The following CALN1 variants were observed in gnomAD, a reference collection of about 807,000 sequenced individuals.
CALN1 encodes calcium-binding protein 8.
Under a neutral mutation model 30.6 loss-of-function variants are expected in CALN1, and 17 were observed. The ratio of observed to expected loss-of-function variants is 0.56; its 90% confidence interval spans 0.38 to 0.83. The LOEUF is 0.83. CALN1 is among the 40% of genes least tolerant of loss of function. The pLI, the probability that CALN1 is intolerant of heterozygous loss-of-function variation, is 0.00. For missense variants in CALN1, 291 were observed against 354.9 expected (o/e 0.82, Z 1.45); for synonymous variants, 156 against 131.4 (o/e 1.19, Z -1.28).
At position 72,270,981 on chromosome 7, in the gene CALN1, G is replaced by C. The variant is rs973136301; in HGVS notation, c.244+7705C>G. On this transcript the variant is annotated intron_variant, in intron 3 of 6. Coordinates refer to ENST00000395275, the MANE Select transcript of CALN1 (RefSeq NM_031468.4). Reference sequence around the variant, plus strand: ...ACCAATGTGGTCAGAGAGGAAGGAAGACTTACAGAATACGAAGAGAGGTCA... The same window carrying C: ...ACCAATGTGGTCAGAGAGGAAGGAACACTTACAGAATACGAAGAGAGGTCA... 3.9e-5 allele frequency among the ~76,000 whole-genome samples: 6 copies of C among 152,284 alleles called. No homozygotes were observed. In the South Asian group the frequency reaches 8.3e-4, roughly 21 times the overall value.
intron 2 of CALN1, among the ~76,000 whole-genome samples, chr7:72,325,084 A>G (rs1302359991): frequency 6.6e-6 from 1 of 151,852 alleles, no homozygotes; most frequent in Non-Finnish European, 1.5e-5. Flanking sequence ...AGAATTGCTT[A>G]AGGGCAGGAG....
intron 3 of CALN1, among the ~76,000 whole-genome samples, chr7:72,231,617 AATG>A (rs564685717): frequency 2.0e-4 from 30 of 152,290 alleles, no homozygotes; most frequent in Admixed American, 5.2e-4. Context: ...TTTGTAACAG[AATG>A]ATATTTTATT....
intron 3 of CALN1, among the ~76,000 whole-genome samples, chr7:72,273,440 G>C (rs1797129572): frequency 1.3e-5 from 2 of 148,890 alleles, no homozygotes; most frequent in African/African-American, 4.9e-5. Context: ...AAAAAAAGCG[G>C]CGGGCGGGGG....
At chr7:72,002,145 C>T (rs1319683926) in intron 5 of CALN1, among the ~76,000 whole-genome samples, 2 of 152,170 alleles carry the variant, frequency 1.3e-5, no homozygotes, top group African/African-American at 2.4e-5. Context: ...TTTACTCCCA[C>T]CACTGCTAGT....
chr7:71,921,291 A>G lies in CALN1; in HGVS notation c.501+102366T>C, dbSNP rs1199740920. 2.0e-5 allele frequency among the ~76,000 whole-genome samples: 3 copies of G among 152,342 alleles called. No individual in the cohort carries two copies. In the East Asian group the frequency reaches 5.8e-4, roughly 29 times the overall value. ...AGGTTGATGGGTGCAGCAAACCACC[A>G]TGGCATGTGTATACCTATGTAACAA... On this transcript the variant is annotated intron_variant, in intron 5 of 6. Transcript: ENST00000395275.
chr7:71,944,748 A>C (rs1427592813), intron 5 of CALN1, among the ~76,000 whole-genome samples: 1 of 152,156 alleles, frequency 6.6e-6, no homozygotes, highest in East Asian at 1.9e-4. Context: ...AATACATCCG[A>C]AGTCAAGAAT....
Position 71,918,594 on chromosome 7 carries a change from G to A in CALN1, c.501+105063C>T, listed in dbSNP as rs1208055583. 2.6e-5 allele frequency among the ~76,000 whole-genome samples: 4 copies of A among 152,300 alleles called. No homozygotes were observed. The East Asian group carries it at 7.7e-4, about 29-fold the overall frequency. On this transcript the variant is annotated intron_variant, in intron 5 of 6. Coordinates refer to ENST00000395275, the MANE Select transcript of CALN1 (RefSeq NM_031468.4). ...ATGAGAAAATCTGGAGGGAGAAAAT[G>A]TTGGCACTAGGCCTGAAATTCTTGA...
chr7:72,038,082 TG>T (rs202049087), intron 4 of CALN1, among the ~76,000 whole-genome samples: 1,662 of 152,318 alleles, frequency 0.011, 16 homozygotes, highest in Non-Finnish European at 0.012. Flanking sequence ...CCTCTTTGTC[TG>T]CACCTCTGTA....
chr7:72,035,571 T>C (rs1320280383), intron 4 of CALN1, among the ~76,000 whole-genome samples: 2 of 152,200 alleles, frequency 1.3e-5, no homozygotes, highest in Admixed American at 1.3e-4. Flanking sequence ...GATCTTTTTG[T>C]AGTGAAATAT....
chr7:71,843,460 A>C (rs1790057404), intron 5 of CALN1, among the ~76,000 whole-genome samples: 1 of 152,156 alleles, frequency 6.6e-6, no homozygotes. Flanking sequence ...CTCTAAAAAA[A>C]ACTATTTAGA....
chr7:72,310,633 G>C (rs1407748539), intron 2 of CALN1, among the ~76,000 whole-genome samples: 1 of 151,966 alleles, frequency 6.6e-6, no homozygotes, highest in Admixed American at 6.6e-5. Flanking sequence ...GCCAGGCATG[G>C]TGGCTCATGC....
chr7:72,038,037 A>G (rs1259033299), intron 4 of CALN1, among the ~76,000 whole-genome samples: 2 of 152,220 alleles, frequency 1.3e-5, no homozygotes, highest in Non-Finnish European at 2.9e-5. Context: ...AGGGGCTTGC[A>G]ATAGGGGGCC....
intron 5 of CALN1, among the ~76,000 whole-genome samples, chr7:71,896,213 T>C (rs1364414599): frequency 2.0e-5 from 3 of 152,226 alleles, no homozygotes; most frequent in Admixed American, 6.5e-5. Context: ...GTGATTTGAT[T>C]GGTAATGTCA....
At chr7:72,410,337 G>A (rs1807037753) in intron 1 of CALN1, among the ~76,000 whole-genome samples, 1 of 152,106 alleles carries the variant, frequency 6.6e-6, no homozygotes, top group Non-Finnish European at 1.5e-5. Context: ...CTACTAAGAT[G>A]TATTCAAAAG....
At chr7:72,500,229 T>C in the CALN1 span, among the ~76,000 whole-genome samples, 944 of 148,014 alleles carry the variant, frequency 6.4e-3, 5 homozygotes, top group Non-Finnish European at 0.011. Context: ...AAACTTTCTG[T>C]GTCTCTTTTG....
chr7:72,374,979 A>T (rs1160861978), intron 2 of CALN1, among the ~76,000 whole-genome samples: 2 of 152,140 alleles, frequency 1.3e-5, no homozygotes, highest in Non-Finnish European at 2.9e-5. Context: ...CTGTATGTTA[A>T]AAAATCAATA....
At chr7:72,052,754 G>T (rs1207201225) in intron 4 of CALN1, among the ~76,000 whole-genome samples, 2 of 152,204 alleles carry the variant, frequency 1.3e-5, no homozygotes, top group African/African-American at 2.4e-5. Context: ...CCGTCTCAGT[G>T]ACCAGAGACA....
At chr7:72,109,526 C>A (rs1348240905) in intron 3 of CALN1, among the ~76,000 whole-genome samples, 1 of 152,196 alleles carries the variant, frequency 6.6e-6, no homozygotes, top group Admixed American at 6.5e-5. Context: ...TTAGTCCAAC[C>A]CAAATTCTGA....
chr7:72,410,153 G>A (rs949235921), intron 1 of CALN1, among the ~76,000 whole-genome samples: 1 of 152,160 alleles, frequency 6.6e-6, no homozygotes, highest in Non-Finnish European at 1.5e-5. Context: ...GTGAGCTCCA[G>A]CCTGCCCCAA....
Sources: gnomAD v4.1 joint callset for allele counts (sites outside exome capture counted in the v4.1 genomes callset) on GRCh38, gnomAD v4.1.1 for gene constraint, MANE v1.5 for transcripts, NCBI Gene and HGNC (gene_info 2026-07-23, HGNC 2026-07-21) for gene names.